ZFP57: variants seen among roughly 807,000 people sequenced by gnomAD.
ZFP57 encodes zinc finger protein 57 homolog.
Under a neutral mutation model 15.8 loss-of-function variants are expected in ZFP57, and 12 were observed. That is an observed-to-expected ratio of 0.76 (90% confidence interval 0.49 to 1.23). The LOEUF (loss-of-function observed/expected upper bound fraction) is 1.23. ZFP57 is among the 50% of genes most tolerant of loss of function. The pLI is 0.00. For synonymous variants in ZFP57, 203 were observed against 242.3 expected, an observed-to-expected ratio of 0.84 and a Z score of 1.51; for missense variants, 536 against 654.9, an observed-to-expected ratio of 0.82 and a Z score of 1.98.
At position 29,673,231 on chromosome 6, in the gene ZFP57, T is replaced by C. The variant is rs1562221195; in HGVS notation, c.880A>G (p.Thr294Ala). 1 of 1,613,054 alleles carries C rather than the reference T, an allele frequency of 6.2e-7. No individual in the cohort carries two copies. The highest frequency in any genetic ancestry group is 1.7e-5 in the Admixed American group (1 of 60,028). The change falls in exon 5 of 5, where the codon ACT (threonine) becomes GCT (alanine). Residue 294 changes from threonine (T) to alanine (A), a missense_variant. Transcript: ENST00000376883. The surrounding 1 kb of genome is among the most constrained non-coding windows in gnomAD (Gnocchi z 4.7). ...QEPVDGNQEC[T>A]LRIPGTQAEF... ...GCCTGGGTGCCTGGAATCCTCAAAG[T>C]ACACTCCTGGTTTCCATCCACTGGC... is the stretch of plus-strand genomic sequence containing the variant.
Position 29,675,455 on chromosome 6 carries a change from TGATTA to T in ZFP57, c.278_282del (p.Leu93HisfsTer4). ...TGTTCCTCTTCTTGCTCAAGCTTGGTGATTAGCTCTGGCTTATGCAGAAAGATTCT... is the reference window on the plus strand; with the variant it reads ...TGTTCCTCTTCTTGCTCAAGCTTGGTGCTCTGGCTTATGCAGAAAGATTCT... On this transcript the variant is annotated frameshift_variant, in exon 4 of 5. Transcript: ENST00000376883. LOFTEE classifies it high-confidence loss of function. The T allele has an allele frequency of 1.2e-6, 2 of 1,614,114 alleles. No homozygotes were observed. Among genetic ancestry groups the T allele is most frequent in the Non-Finnish European group, 1.7e-6 (2 of 1,180,030 alleles).
chr6:29,674,239 A>C (rs13218857), intron 4 of ZFP57, among the ~76,000 whole-genome samples: 1 of 152,130 alleles, frequency 6.6e-6, no homozygotes, highest in Non-Finnish European at 1.5e-5. Flanking sequence ...AAGACGAAGA[A>C]GAAGAAGAAG....
chr6:29,679,367 T>G (rs997627118), intron 1 of ZFP57, among the ~76,000 whole-genome samples: 2 of 152,190 alleles, frequency 1.3e-5, no homozygotes, highest in Non-Finnish European at 2.9e-5. Flanking sequence ...GAACTGAAAA[T>G]ACCAGCAAGG....
rs1772125735 is a variant in ZFP57, at chr6:29,677,292, C to A, written c.-289G>T. On this transcript the variant is annotated 5_prime_UTR_variant, in exon 2 of 5. Transcript: ENST00000376883. The stretch of plus-strand genomic sequence containing the variant: ...CAGGGCCCTGGTCACCCTTGGCTCA[C>A]CAGCTGCCATTGTTTAGTAACAACA... The A allele has an allele frequency of 4.0e-6, 2 of 495,864 alleles. No homozygotes were observed. The highest frequency in any genetic ancestry group is 7.4e-6 in the Non-Finnish European group (2 of 271,394). The allele number at this position is 495,864 out of a possible 1,614,324, so 30.7% of individuals were successfully genotyped here. A position where few individuals can be genotyped will look rare whatever the true frequency, so the allele number is the denominator to read the frequency against.
Position 29,677,228 on chromosome 6 carries a change from A to T in ZFP57, c.-225T>A, listed in dbSNP as rs528662406. 637 of 627,782 alleles carry T rather than the reference A, an allele frequency of 1.0e-3. No homozygotes were observed. Among genetic ancestry groups the T allele is most frequent in the Non-Finnish European group, 1.6e-3 (566 of 362,714 alleles). 38.9% of individuals were successfully genotyped at this position (627,782 alleles called of 1,614,324 possible). A position where few individuals can be genotyped will look rare whatever the true frequency, so the allele number is the denominator to read the frequency against. ...TCCAAATTCTCCTCTTCCACAATTG[A>T]GAACAATTTTGCTTCCCTCAAAGCT... On this transcript the variant is annotated 5_prime_UTR_variant, in exon 2 of 5. Transcript: ENST00000376883.
At chr6:29,674,972 G>A (rs1045586692) in intron 4 of ZFP57, among the ~76,000 whole-genome samples, 2 of 151,924 alleles carry the variant, frequency 1.3e-5, no homozygotes, top group South Asian at 4.2e-4. Flanking sequence ...GGCCAACATG[G>A]TGAAACCCTG....
intron 4 of ZFP57, among the ~76,000 whole-genome samples, chr6:29,674,099 A>G (rs922366540): frequency 6.6e-6 from 1 of 151,790 alleles, no homozygotes; most frequent in African/African-American, 2.4e-5. Flanking sequence ...TGTCTCAAAA[A>G]AAAAAAAAGA....
chr6:29,672,617 C>T lies in ZFP57; in HGVS notation c.1494G>A (p.Lys498=). Residue 498 remains lysine, a synonymous_variant, in exon 5 of 5, where the codon AAG becomes AAA. Transcript: ENST00000376883. The stretch of plus-strand genomic sequence containing the variant: ...TGGGGGGAGATTGATCACCTCCATG[C>T]TTCCATTCCTCCCCAGCCATAGTGG... The part of the protein sequence containing the change: ...DVPTMAGEEW[K]HGGDQSPPRI... 2 of 1,611,300 alleles carry T rather than the reference C, an allele frequency of 1.2e-6. No homozygotes were observed. The highest frequency in any genetic ancestry group is 1.7e-6 in the Non-Finnish European group (2 of 1,178,614).
intron 1 of ZFP57, 147 bp downstream of exon 1, chr6:29,680,915 C>T (rs1772313095): frequency 6.6e-6 from 1 of 151,046 alleles, no homozygotes; most frequent in Admixed American, 6.7e-5. Context: ...ACCCACGTTT[C>T]CCCGGAGGAC....
Position 29,672,559 on chromosome 6 carries a change from C to A in ZFP57, c.1552G>T (p.Glu518Ter). 1 of 1,612,980 alleles carries A rather than the reference C, an allele frequency of 6.2e-7. No individual in the cohort carries two copies. The highest frequency in any genetic ancestry group is 8.5e-7 in the Non-Finnish European group (1 of 1,180,010). Residue 518 changes from glutamate (E) to a stop codon, truncating the protein, a stop_gained, in exon 5 of 5, where the codon GAG becomes TAG. Coordinates refer to ENST00000376883, the MANE Select transcript of ZFP57 (RefSeq NM_001109809.5). LOFTEE classifies it low-confidence loss of function (END_TRUNC). ...IHTPRRRGLREKACKGDKTKE... is the reference protein window; with the variant it reads ...IHTPRRRGLR ...GTTTTGTCTCCTTTGCAGGCCTTCT[C>A]TCTTAGGCCTCTTCTCCTGGGGGTA...
intron 4 of ZFP57, among the ~76,000 whole-genome samples, chr6:29,674,164 AAGG>A (rs1165835877): frequency 1.3e-5 from 2 of 150,186 alleles, no homozygotes; most frequent in Non-Finnish European, 3.0e-5. Flanking sequence ...AGGAGAAGAG[AAGG>A]AGAAGAAGAA....
rs1411544905 is a variant in ZFP57, at chr6:29,676,889, C to T, written c.115G>A (p.Val39Met). The T allele has an allele frequency of 6.2e-7, 1 of 1,614,026 alleles. No homozygotes were observed. Among genetic ancestry groups the T allele is most frequent in the African/African-American group, 1.3e-5 (1 of 74,950 alleles). The change falls in exon 2 of 5, where the codon GTG becomes ATG. Residue 39 changes from valine to methionine, a missense_variant. By Grantham distance (21) the Val-to-Met change is conservative. Coordinates refer to ENST00000376883, the MANE Select transcript of ZFP57 (RefSeq NM_001109809.5). The part of the protein sequence containing the change: ...MKRDCWREAR[V>M]KKKPVTFEDV... ...TAGCTTAGTCTCCTCACCTTCTTCA[C>T]CCGTGCCTCCCTCCAGCAATCTCTC...
rs2127547258 is a variant in ZFP57 at position 29,675,941 on chromosome 6, G to A, written c.242C>T (p.Thr81Ile). The A allele has an allele frequency of 3.7e-6, 6 of 1,613,164 alleles. No homozygotes were observed. Among genetic ancestry groups the A allele is most frequent in the Non-Finnish European group, 5.1e-6 (6 of 1,180,034 alleles). Residue 81 changes from threonine (T) to isoleucine (I), a missense_variant, in exon 3 of 5, where the codon ACA becomes ATA. Thr to Ile is a moderately conservative substitution (Grantham distance 89). Coordinates refer to ENST00000376883, the MANE Select transcript of ZFP57 (RefSeq NM_001109809.5). The stretch of plus-strand genomic sequence containing the variant: ...GAAGCCCAGCCTCTTACCCACAGAT[G>A]TTAGATTCTTAAAGGTTTCCGACAT... ...DVMSETFKNL[T>I]SVARIFLHKP...
At position 29,676,923 on chromosome 6, in the gene ZFP57, T is replaced by G. The variant is rs1772105198; in HGVS notation, c.81A>C (p.Glu27Asp). ...CCCTCCAGCAATCTCTCTTCATGGC[T>G]TCCTGCAGGGTGGCAGCTACCTCGC... is the stretch of plus-strand genomic sequence containing the variant. ...WVGEVAATLQ[E>D]AMKRDCWREA... Residue 27 changes from glutamate (E) to aspartate (D), a missense_variant, in exon 2 of 5, where the codon GAA becomes GAC. Coordinates refer to ENST00000376883, the MANE Select transcript of ZFP57 (RefSeq NM_001109809.5). The G allele has an allele frequency of 1.2e-6, 2 of 1,614,210 alleles. No individual in the cohort carries two copies. The highest frequency in any genetic ancestry group is 1.7e-6 in the Non-Finnish European group (2 of 1,180,034).
intron 2 of ZFP57, among the ~76,000 whole-genome samples, chr6:29,676,612 G>A (rs1265310583): frequency 6.6e-6 from 1 of 151,480 alleles, no homozygotes; most frequent in African/African-American, 2.4e-5. Flanking sequence ...GTGGGGGAGA[G>A]GAAAGAGGAT....
chr6:29,672,504 T>A lies in ZFP57; in HGVS notation c.1607A>T (p.Lys536Ile). Residue 536 changes from lysine (K) to isoleucine (I), a missense_variant, in exon 5 of 5, where the codon AAA becomes ATA. Transcript: ENST00000376883. ...TKEAVSILKH[K>I] ...GAGCTCAGTCAGAAAGGCCATTTAT[T>A]TATGTTTCAAGATGCTCACTGCCTC... 1.9e-6 allele frequency: 3 copies of A among 1,612,918 alleles called. No homozygotes were observed. Among genetic ancestry groups the A allele is most frequent in the Non-Finnish European group, 2.5e-6 (3 of 1,180,002 alleles).
rs771139617 is a variant in ZFP57, at chr6:29,676,074, G to T, written c.124-15C>A. The T allele has an allele frequency of 2.0e-6, 3 of 1,537,644 alleles. No individual in the cohort carries two copies. In the South Asian group the frequency reaches 3.4e-5, roughly 17 times the overall value. ...GTGACTGGCTTCTGGAAGAACAGGAGAGACTCAAGAAGTTTATATAAATAT... is the reference window on the plus strand; with the variant it reads ...GTGACTGGCTTCTGGAAGAACAGGATAGACTCAAGAAGTTTATATAAATAT... On this transcript the variant is annotated splice_polypyrimidine_tract_variant and intron_variant, in intron 2 of 4. Transcript: ENST00000376883.
Position 29,676,939 on chromosome 6 carries a change from GCTAC to G in ZFP57, c.61_64del (p.Val21LeufsTer8). ...CTTCATGGCTTCCTGCAGGGTGGCAGCTACCTCGCCCACCCATGGGAGCGTCTTC... is the reference window on the plus strand; with the variant it reads ...CTTCATGGCTTCCTGCAGGGTGGCAGCTCGCCCACCCATGGGAGCGTCTTC... On this transcript the variant is annotated frameshift_variant, in exon 2 of 5. Transcript: ENST00000376883. LOFTEE classifies it high-confidence loss of function. 1 of 1,614,202 alleles carries G rather than the reference GCTAC, an allele frequency of 6.2e-7. No individual in the cohort carries two copies. The highest frequency in any genetic ancestry group is 1.3e-5 in the African/African-American group (1 of 75,060).
intron 1 of ZFP57, among the ~76,000 whole-genome samples, chr6:29,677,752 T>C (rs1772144640): frequency 8.0e-6 from 1 of 125,780 alleles, no homozygotes; most frequent in South Asian, 2.6e-4. Context: ...TAAGATCTCT[T>C]CCATGACCAA....
Sources: allele counts gnomAD v4.1 joint callset (sites outside exome capture counted in the v4.1 genomes callset), GRCh38; gene constraint gnomAD v4.1.1; non-coding constraint Gnocchi (gnomAD v3.1); transcripts MANE v1.5; gene names NCBI Gene and HGNC (gene_info 2026-07-23, HGNC 2026-07-21).